The following BUD13 variants were observed in gnomAD, a reference collection of about 807,000 sequenced individuals.
The protein encoded by BUD13 is BUD13 homolog.
Under a neutral mutation model 62.5 loss-of-function variants are expected in BUD13, and 47 were observed. That is an observed-to-expected ratio of 0.75 (90% CI 0.60 to 0.96). The LOEUF is 0.96. BUD13 is among the 40% of genes least tolerant of loss of function. The pLI is 0.00. For synonymous variants in BUD13, 293 were observed against 280.1 expected (o/e 1.05, Z -0.46); for missense variants, 821 against 790.9 (o/e 1.04, Z -0.46).
intron 5 of BUD13, 128 bp downstream of exon 5, chr11:116,760,606 CT>C: frequency 9.3e-7 from 1 of 1,075,038 alleles, no homozygotes; most frequent in South Asian, 1.5e-5. Context: ...TCCAAAGGTC[CT>C]TTTAACTAAG....
chr11:116,754,220 AT>A (rs1363269703), intron 9 of BUD13, among the ~76,000 whole-genome samples: 1 of 151,946 alleles, frequency 6.6e-6, no homozygotes, highest in African/African-American at 2.4e-5. Flanking sequence ...TAATTTTTGT[AT>A]TTTTTTGTAG....
chr11:116,752,243 GC>G (rs1171513574), intron 9 of BUD13, among the ~76,000 whole-genome samples: 1 of 152,130 alleles, frequency 6.6e-6, no homozygotes, highest in Non-Finnish European at 1.5e-5. Context: ...ACCGCACCCG[GC>G]CCCGTTTCTC....
At chr11:116,771,964 G>C (rs1463175756) in intron 1 of BUD13, among the ~76,000 whole-genome samples, 1 of 152,190 alleles carries the variant, frequency 6.6e-6, no homozygotes, top group Non-Finnish European at 1.5e-5. Context: ...GCCTCTCCCA[G>C]CTTCTGGTAG....
In BUD13 at chr11:116,760,751, T is replaced by C. The variant is rs1300824968; in HGVS notation, c.1238A>G (p.Gln413Arg). 1 of 1,614,080 alleles carries C rather than the reference T, an allele frequency of 6.2e-7. No individual in the cohort carries two copies. Among genetic ancestry groups the C allele is most frequent in the Non-Finnish European group, 8.5e-7 (1 of 1,180,024 alleles). Residue 413 changes from glutamine (Q) to arginine (R), a missense_variant, in exon 5 of 10, where the codon CAG becomes CGG. By Grantham distance (43) the Gln-to-Arg change is conservative. This residue lies in a region of BUD13 where 800 missense variants were observed against 739.2 expected (regional missense o/e 1.08). Transcript: ENST00000260210. ...DSDLSPPRRSQPPGKKAAHMY... is the reference protein window; with the variant it reads ...DSDLSPPRRSRPPGKKAAHMY... The stretch of plus-strand genomic sequence containing the variant: ...AATCCTGACCTTCTTTCCAGGAGGC[T>C]GACTCCTTCGAGGCGGGGACAGGTC...
intron 5 of BUD13, among the ~76,000 whole-genome samples, chr11:116,760,196 G>C (rs1048194166): frequency 2.0e-5 from 3 of 152,190 alleles, no homozygotes; most frequent in African/African-American, 7.2e-5. Context: ...ACTAACACTA[G>C]ATGCTTACTT....
intron 2 of BUD13, among the ~76,000 whole-genome samples, chr11:116,768,043 C>G (rs1355273200): frequency 6.6e-6 from 1 of 151,392 alleles, no homozygotes; most frequent in Admixed American, 6.6e-5. Flanking sequence ...ACGACGTAGG[C>G]AAACTGGCAT....
intron 1 of BUD13, 149 bp downstream of exon 1, chr11:116,772,673 C>T (rs1463030221): frequency 3.5e-6 from 4 of 1,155,414 alleles, no homozygotes; most frequent in South Asian, 1.8e-5. Flanking sequence ...GGGCCTCAAG[C>T]GATGTGAGTG....
intron 8 of BUD13, 88 bp from the exon 9 acceptor site, chr11:116,757,315 T>C (rs926155427): frequency 1.4e-5 from 16 of 1,180,310 alleles, no homozygotes; most frequent in Middle Eastern, 2.6e-4. Context: ...CCTTTTTTTT[T>C]AGTAGAGTCT....
At chr11:116,763,384 C>A (rs1940474642) in intron 3 of BUD13, 118 bp from the exon 4 acceptor site, 4 of 891,314 alleles carry the variant, frequency 4.5e-6, no homozygotes, top group Non-Finnish European at 6.5e-6. Context: ...TCAGAAAGCC[C>A]AAAAGGCCTG....
At chr11:116,769,252 C>T (rs1417372632) in intron 2 of BUD13, among the ~76,000 whole-genome samples, 1 of 152,110 alleles carries the variant, frequency 6.6e-6, no homozygotes, top group Non-Finnish European at 1.5e-5. Context: ...GGATATCTCC[C>T]AACAGAATAC....
rs547300187 is a variant in BUD13 at position 116,748,592 on chromosome 11, C to T, written c.1767-17G>A. 1.5e-5 allele frequency: 24 copies of T among 1,612,526 alleles called. No homozygotes were observed. The highest frequency in any genetic ancestry group is 1.6e-4 in the Middle Eastern group (1 of 6,062). ...CCATTGGATCTGCAATCAAAAGAGA[C>T]ATACTATTCAGCTAGAACCCTGAAA... On this transcript the variant is annotated splice_polypyrimidine_tract_variant and intron_variant, in intron 9 of 9. Coordinates refer to ENST00000260210, the MANE Select transcript of BUD13 (RefSeq NM_032725.4).
intron 1 of BUD13, 141 bp from the exon 2 acceptor site, chr11:116,770,363 C>T: frequency 1.6e-6 from 1 of 628,570 alleles, no homozygotes; most frequent in Non-Finnish European, 2.6e-6. Context: ...AACTTCATCT[C>T]CTACTGCTAC....
At chr11:116,757,974 G>C in intron 7 of BUD13, 24 bp from the exon 8 acceptor site, 1 of 1,611,626 alleles carries the variant, frequency 6.2e-7, no homozygotes, top group Non-Finnish European at 8.5e-7. Flanking sequence ...AACCAAGAGT[G>C]TTTGCTATCC....
chr11:116,762,787 G>C lies in BUD13; in HGVS notation c.802C>G (p.Arg268Gly). 3 of 1,614,124 alleles carry C rather than the reference G, an allele frequency of 1.9e-6. No individual in the cohort carries two copies. Among genetic ancestry groups the C allele is most frequent in the Non-Finnish European group, 2.5e-6 (3 of 1,180,012 alleles). Residue 268 changes from arginine to glycine, a missense_variant, in exon 4 of 10, where the codon CGT becomes GGT. Arg to Gly is a moderately radical substitution (Grantham distance 125, BLOSUM62 -2). Coordinates refer to ENST00000260210, the MANE Select transcript of BUD13 (RefSeq NM_032725.4). ...SSDTQQLRRA[R>G]HDSPDLAPNV... ...GGAGCCAAATCAGGGGAGTCATGAC[G>C]GGCCCTTCTGAGTTGCTGTGTGTCT...
intron 7 of BUD13, 108 bp downstream of exon 7, chr11:116,758,161 C>CT (rs1940365044): frequency 6.6e-7 from 1 of 1,510,654 alleles, no homozygotes; most frequent in African/African-American, 1.4e-5. Context: ...TTTCCCATTA[C>CT]TGATAACAGC....
chr11:116,765,305 G>C, intron 3 of BUD13, 57 bp downstream of exon 3: 1 of 1,552,022 alleles, frequency 6.4e-7, no homozygotes, highest in East Asian at 2.2e-5. Flanking sequence ...GTATAGAAAA[G>C]GAAAAAAGAT....
chr11:116,748,536 G>A lies in BUD13; in HGVS notation c.1806C>T (p.Ala602=), dbSNP rs747384957. The A allele has an allele frequency of 6.2e-6, 10 of 1,614,206 alleles. No individual in the cohort carries two copies. Among genetic ancestry groups the A allele is most frequent in the Non-Finnish European group, 8.5e-6 (10 of 1,180,040 alleles). Residue 602 remains alanine (A), a synonymous_variant, in exon 10 of 10, where the codon GCC becomes GCT. Transcript: ENST00000260210. ...CAAGTTCCTCCACTGCCTTCTTGCT[G>A]GCAAGCCTGGCAAAGCGCTTCTGTT... ...GFEQKRFARL[A]SKKAVEELAY... is the part of the protein sequence containing the mutation.
chr11:116,763,848 TAG>T (rs1321189232), intron 3 of BUD13, among the ~76,000 whole-genome samples: 1 of 152,180 alleles, frequency 6.6e-6, no homozygotes, highest in African/African-American at 2.4e-5. Context: ...TGCTCTTTCT[TAG>T]AGAGGGGAAA....
At chr11:116,758,024 G>A in intron 7 of BUD13, 74 bp from the exon 8 acceptor site, 1 of 1,553,318 alleles carries the variant, frequency 6.4e-7, no homozygotes, top group Non-Finnish European at 8.7e-7. Flanking sequence ...GGACCATACT[G>A]CTAAGTTTGG....
Sources: gnomAD v4.1 joint callset for allele counts (sites outside exome capture counted in the v4.1 genomes callset) on GRCh38, gnomAD v4.1.1 for gene constraint, gnomAD v4.1.1 regional missense constraint, MANE v1.5 for transcripts, NCBI Gene and HGNC (gene_info 2026-07-23, HGNC 2026-07-21) for gene names.